Variants in SMPD3 observed in about 807,000 individuals in gnomAD.
SMPD3 encodes nSMase-2.
Under a neutral mutation model 55.7 loss-of-function variants are expected in SMPD3, and 21 were observed. The ratio of observed to expected loss-of-function variants is 0.38; its 90% confidence interval spans 0.27 to 0.54. The LOEUF (loss-of-function observed/expected upper bound fraction) is 0.54. SMPD3 is among the 20% of genes least tolerant of loss of function. The probability of loss-of-function intolerance (pLI) is 0.80; values close to 1 mark genes in which losing one functional copy is unlikely to be tolerated. For missense variants in SMPD3, 842 were observed against 899.6 expected (o/e 0.94, Z 0.82); for synonymous variants, 457 against 404.3 (o/e 1.13, Z -1.56).
chr16:68,445,899 T>C (rs941262492), intron 1 of SMPD3, among the ~76,000 whole-genome samples: 3 of 152,192 alleles, frequency 2.0e-5, no homozygotes, highest in African/African-American at 7.2e-5. Context: ...ATGCTTATCC[T>C]CTAGGGGTAT....
At chr16:68,373,472 C>T (rs937070348) in intron 2 of SMPD3, among the ~76,000 whole-genome samples, 3 of 152,228 alleles carry the variant, frequency 2.0e-5, no homozygotes, top group Non-Finnish European at 2.9e-5. Context: ...ACTCTTTTCC[C>T]ACCCACTGTC....
chr16:68,415,639 C>T (rs1247185475), intron 1 of SMPD3, among the ~76,000 whole-genome samples: 2 of 152,098 alleles, frequency 1.3e-5, no homozygotes, highest in Non-Finnish European at 2.9e-5. Flanking sequence ...TTAATATTGA[C>T]TTTTAAAAAT....
chr16:68,364,791 G>A lies in SMPD3; in HGVS notation c.1515C>T (p.Asp505=), dbSNP rs143241594. 5.3e-5 allele frequency: 86 copies of A among 1,613,790 alleles called. No homozygotes were observed. In the African/African-American group the frequency reaches 1.0e-3, roughly 19 times the overall value. Residue 505 remains aspartate (D), a synonymous_variant, in exon 5 of 9, where the codon GAC becomes GAT. Transcript: ENST00000219334. ...AANPEELVAF[D]VVCGDFNFDN... ...CAAAGTTGAAATCTCCACAGACGAC[G>A]TCAAATGCCACCAGCTCCTCGGGGT...
rs2089050034 is a variant in SMPD3, at chr16:68,359,013, G to A, written c.*2193C>T. 6.5e-6 allele frequency: 1 copy of A among 152,702 alleles called. No individual in the cohort carries two copies. The highest frequency in any genetic ancestry group is 2.4e-5 in the African/African-American group (1 of 41,478). The allele number at this position is 152,702 out of a possible 1,614,324, so 9.5% of individuals were successfully genotyped here. A position where few individuals can be genotyped will look rare whatever the true frequency, so the allele number is the denominator to read the frequency against. ...CCTGACTAGGCAGAGGCGACCTTGT[G>A]ATGACAGAAAATGACTTGCCTAAGG... On this transcript the variant is annotated 3_prime_UTR_variant, in exon 9 of 9. Coordinates refer to ENST00000219334, the MANE Select transcript of SMPD3 (RefSeq NM_018667.4).
intron 7 of SMPD3, among the ~76,000 whole-genome samples, chr16:68,362,450 T>C (rs555751670): frequency 6.6e-6 from 1 of 152,336 alleles, no homozygotes; most frequent in South Asian, 2.1e-4. Flanking sequence ...AGACAAGCAG[T>C]ATGCCCGTCT....
At chr16:68,387,240 C>A (rs370105416) in intron 1 of SMPD3, among the ~76,000 whole-genome samples, 12 of 152,010 alleles carry the variant, frequency 7.9e-5, no homozygotes, top group Admixed American at 7.9e-4. Flanking sequence ...GTGGCTCCCC[C>A]CTTATCTAAG....
intron 1 of SMPD3, among the ~76,000 whole-genome samples, chr16:68,442,489 A>G (rs1353635912): frequency 6.6e-6 from 1 of 152,240 alleles, no homozygotes; most frequent in African/African-American, 2.4e-5. Flanking sequence ...TGTAGGCACA[A>G]GAAATGTCTG....
At chr16:68,390,445 G>A (rs2090101215) in intron 1 of SMPD3, among the ~76,000 whole-genome samples, 1 of 152,188 alleles carries the variant, frequency 6.6e-6, no homozygotes, top group African/African-American at 2.4e-5. Context: ...CAGATCTCTT[G>A]AGCTCAGGAA....
chr16:68,363,637 G>A (rs920819741), intron 6 of SMPD3, 78 bp from the exon 7 acceptor site: 11 of 1,474,248 alleles, frequency 7.5e-6, no homozygotes, highest in African/African-American at 1.4e-5. Flanking sequence ...TCTGTGGGTG[G>A]ACACGGGCTT....
intron 1 of SMPD3, among the ~76,000 whole-genome samples, chr16:68,446,317 C>T (rs1340492686): frequency 3.9e-5 from 6 of 152,152 alleles, no homozygotes; most frequent in Non-Finnish European, 7.4e-5. Context: ...CTGGGCCTTT[C>T]GCAGGCCAGG....
intron 1 of SMPD3, among the ~76,000 whole-genome samples, chr16:68,416,647 C>A (rs2090342011): frequency 6.6e-6 from 1 of 152,214 alleles, no homozygotes; most frequent in African/African-American, 2.4e-5. Flanking sequence ...AAGCCAGGTG[C>A]TTTGTGGCGC....
At chr16:68,390,716 G>T (rs1474580090) in intron 1 of SMPD3, among the ~76,000 whole-genome samples, 1 of 152,166 alleles carries the variant, frequency 6.6e-6, no homozygotes, top group Non-Finnish European at 1.5e-5. Context: ...AGCCCAGCAC[G>T]TCTCAGCCTC....
At position 68,360,124 on chromosome 16, in the gene SMPD3, C is replaced by T; in HGVS notation, c.*1082G>A. On this transcript the variant is annotated 3_prime_UTR_variant, in exon 9 of 9. Transcript: ENST00000219334. ...TGGGCCTGGGAGGCCAGAGCCGCAG[C>T]CCCACCCGGGGGGCAGGCAGGGGTT... is the stretch of plus-strand genomic sequence containing the variant. 6.5e-6 allele frequency: 1 copy of T among 152,726 alleles called. No individual in the cohort carries two copies. The highest frequency in any genetic ancestry group is 1.9e-4 in the East Asian group (1 of 5,260). 9.5% of individuals were successfully genotyped at this position (152,726 alleles called of 1,614,324 possible).
In SMPD3 at chr16:68,361,095, T is replaced by TCCCTGTCCC. The variant is rs1462054455; in HGVS notation, c.*102_*110dup. On this transcript the variant is annotated 3_prime_UTR_variant, in exon 9 of 9. Coordinates refer to ENST00000219334, the MANE Select transcript of SMPD3 (RefSeq NM_018667.4). ...TTCCCGGGCACTGACTGTGGCTCCC[T>TCCCTGTCCC]CCCTGTCCCTGCCCTCCTCCCCCAA... 41 of 981,164 alleles carry TCCCTGTCCC rather than the reference T, an allele frequency of 4.2e-5. No homozygotes were observed. In the African/African-American group the frequency reaches 6.5e-4, roughly 16 times the overall value. The allele number at this position is 981,164 out of a possible 1,614,324, so 60.8% of individuals were successfully genotyped here. A position where few individuals can be genotyped will look rare whatever the true frequency, so the allele number is the denominator to read the frequency against.
At chr16:68,407,793 G>A (rs1345021747) in intron 1 of SMPD3, among the ~76,000 whole-genome samples, 1 of 152,148 alleles carries the variant, frequency 6.6e-6, no homozygotes, top group Non-Finnish European at 1.5e-5. Flanking sequence ...AACTTGCTGA[G>A]TGTGAAGTTC....
chr16:68,382,801 C>A (rs1379991761), intron 2 of SMPD3, among the ~76,000 whole-genome samples: 3 of 152,162 alleles, frequency 2.0e-5, no homozygotes, highest in Non-Finnish European at 1.5e-5. Context: ...CCTGCATTCA[C>A]TTAGTTTGCC....
chr16:68,407,208 G>C (rs1241213613), intron 1 of SMPD3, among the ~76,000 whole-genome samples: 1 of 152,154 alleles, frequency 6.6e-6, no homozygotes, highest in Admixed American at 6.5e-5. Context: ...TTATACATAG[G>C]TTGCTAAGGG....
At chr16:68,366,273 T>G (rs1167373429) in intron 3 of SMPD3, among the ~76,000 whole-genome samples, 1 of 152,216 alleles carries the variant, frequency 6.6e-6, no homozygotes, top group Non-Finnish European at 1.5e-5. Context: ...CCTTCACTGC[T>G]GCAGTCGGTC....
intron 1 of SMPD3, among the ~76,000 whole-genome samples, chr16:68,392,891 A>G (rs2090124684): frequency 6.6e-6 from 1 of 151,838 alleles, no homozygotes; most frequent in Non-Finnish European, 1.5e-5. Flanking sequence ...AGGAAAAGCC[A>G]TATGCGGACT....
Sources: allele counts gnomAD v4.1 joint callset (sites outside exome capture counted in the v4.1 genomes callset), GRCh38; gene constraint gnomAD v4.1.1; transcripts MANE v1.5; gene names NCBI Gene and HGNC (gene_info 2026-07-23, HGNC 2026-07-21).